Variants in CFAP44 observed in about 807,000 individuals in gnomAD.
CFAP44 encodes the protein cilia and flagella associated protein 44, also known as cilia- and flagella-associated protein 44.
In CFAP44, 134 loss-of-function variants were observed where a neutral mutation model predicts 216.2. That is an observed-to-expected ratio of 0.62 (90% CI 0.54 to 0.72). The LOEUF (loss-of-function observed/expected upper bound fraction) is 0.72. Ranked by LOEUF, CFAP44 falls within the 30% of genes least tolerant of loss-of-function variation. The pLI is 0.00. For synonymous variants in CFAP44, 700 were observed against 727.6 expected (o/e 0.96, Z 0.61); for missense variants, 2,035 against 2,182.1 (o/e 0.93, Z 1.34).
At chr3:113,334,224 A>G (rs1478312906) in intron 24 of CFAP44, among the ~76,000 whole-genome samples, 1 of 152,236 alleles carries the variant, frequency 6.6e-6, no homozygotes. Context: ...TGCTGGGATT[A>G]TAGGTGTGAG....
chr3:113,297,282 C>T (rs1319298973), intron 32 of CFAP44, among the ~76,000 whole-genome samples: 1 of 152,060 alleles, frequency 6.6e-6, no homozygotes, highest in Non-Finnish European at 1.5e-5. Flanking sequence ...TAATGACAAT[C>T]CCTTTGGGAA....
Position 113,294,802 on chromosome 3 carries a change from C to A in CFAP44, c.5258G>T (p.Arg1753Leu). The A allele has an allele frequency of 2.0e-6, 3 of 1,532,490 alleles. No individual in the cohort carries two copies. The highest frequency in any genetic ancestry group is 2.6e-6 in the Non-Finnish European group (3 of 1,145,334). 94.9% of individuals were successfully genotyped at this position (1,532,490 alleles called of 1,614,324 possible). Residue 1753 changes from arginine (R) to leucine (L), a missense_variant, in exon 34 of 35, where the codon CGA becomes CTA. By Grantham distance (102) the Arg-to-Leu change is moderately radical. Coordinates refer to ENST00000393845, the MANE Select transcript of CFAP44 (RefSeq NM_001164496.2). ...TTTTGTCTTCATCATCAGTTCCCAT[C>A]GCATTTGAGCAATCTTTTCCTACCA... ...KMWEEKIAQMRWELMMKTKEH... is the reference protein window; with the variant it reads ...KMWEEKIAQMLWELMMKTKEH...
At chr3:113,336,358 C>T (rs547587601) in intron 24 of CFAP44, among the ~76,000 whole-genome samples, 1 of 151,788 alleles carries the variant, frequency 6.6e-6, no homozygotes, top group East Asian at 1.9e-4. Flanking sequence ...TGAAAATTAA[C>T]AATATAAATA....
chr3:113,424,166 G>A (rs896220963), intron 4 of CFAP44, among the ~76,000 whole-genome samples: 20 of 152,114 alleles, frequency 1.3e-4, no homozygotes, highest in East Asian at 7.7e-4. Flanking sequence ...GGCTAGGCGC[G>A]GTGGCTCACA....
intron 7 of CFAP44, among the ~76,000 whole-genome samples, chr3:113,408,272 T>C (rs1439317052): frequency 6.6e-6 from 1 of 152,170 alleles, no homozygotes; most frequent in Non-Finnish European, 1.5e-5. Context: ...GACAAGATCA[T>C]TCCATCCCGG....
chr3:113,431,125 G>GCAAA (rs1935095600), intron 2 of CFAP44, among the ~76,000 whole-genome samples: 2 of 152,078 alleles, frequency 1.3e-5, no homozygotes, highest in Non-Finnish European at 2.9e-5. Flanking sequence ...AAGCCTGAGA[G>GCAAA]CAAAGCAAGG....
At chr3:113,329,228 A>C (rs1052552683) in intron 26 of CFAP44, among the ~76,000 whole-genome samples, 1 of 152,220 alleles carries the variant, frequency 6.6e-6, no homozygotes, top group East Asian at 1.9e-4. Context: ...GTGCAACTGG[A>C]GTTTAGAAAC....
At chr3:113,365,939 T>C in intron 19 of CFAP44, 100 bp downstream of exon 19, 1 of 1,296,438 alleles carries the variant, frequency 7.7e-7, no homozygotes, top group East Asian at 2.4e-5. Flanking sequence ...AAGGTGAATG[T>C]GTCTAAATAA....
intron 15 of CFAP44, among the ~76,000 whole-genome samples, chr3:113,390,363 A>G (rs539276851): frequency 6.6e-6 from 1 of 152,260 alleles, no homozygotes; most frequent in Admixed American, 6.5e-5. Flanking sequence ...AATAAAACCC[A>G]TATATGACAG....
At chr3:113,319,157 C>T (rs1950118081) in intron 28 of CFAP44, among the ~76,000 whole-genome samples, 1 of 152,028 alleles carries the variant, frequency 6.6e-6, no homozygotes, top group Non-Finnish European at 1.5e-5. Flanking sequence ...GATAAAAAGA[C>T]AAGAACCAAC....
rs982779314 is a variant in CFAP44, at chr3:113,290,000, C to G, written c.*1557G>C. On this transcript the variant is annotated 3_prime_UTR_variant, in exon 35 of 35. Transcript: ENST00000393845. ...CCCTGAGCCAGAACACCCGGCCAAG[C>G]TGTCCCCAGATTCCTGGACCTCAGA... The G allele has an allele frequency of 2.0e-5, 3 of 152,346 alleles. No homozygotes were observed. Among genetic ancestry groups the G allele is most frequent in the Admixed American group, 6.5e-5 (1 of 15,304 alleles). 9.4% of individuals were successfully genotyped at this position (152,346 alleles called of 1,614,324 possible). A position where few individuals can be genotyped will look rare whatever the true frequency, so the allele number is the denominator to read the frequency against.
chr3:113,327,934 A>G (rs1950202310), intron 26 of CFAP44, 115 bp from the exon 27 acceptor site: 1 of 899,388 alleles, frequency 1.1e-6, no homozygotes, highest in Admixed American at 2.8e-5. Flanking sequence ...TTATGGATGG[A>G]GAATTGTGTG....
intron 5 of CFAP44, among the ~76,000 whole-genome samples, chr3:113,418,057 A>AATTTATTT (rs71299331): frequency 0.11 from 16,022 of 148,842 alleles, 1,089 homozygotes; most frequent in African/African-American, 0.18. Flanking sequence ...ATTGAGACAC[A>AATTTATTT]ATTTATTTAT....
intron 8 of CFAP44, among the ~76,000 whole-genome samples, chr3:113,406,406 C>T (rs1048502640): frequency 2.6e-5 from 4 of 152,042 alleles, no homozygotes; most frequent in Non-Finnish European, 4.4e-5. Context: ...GGGCGGATCA[C>T]GAGGTCAGGA....
chr3:113,434,396 G>A (rs770686171), intron 1 of CFAP44: 2 of 152,150 alleles, frequency 1.3e-5, no homozygotes, highest in Non-Finnish European at 2.9e-5. Context: ...CTATTGGCCA[G>A]AGTGGGAGAG....
chr3:113,395,909 A>T, intron 14 of CFAP44, 49 bp from the exon 15 acceptor site: 1 of 1,395,058 alleles, frequency 7.2e-7, no homozygotes, highest in Non-Finnish European at 1.0e-6. Context: ...TATGAAATCT[A>T]GCCTATAGAT....
At chr3:113,388,129 A>ATT (rs1933700366) in intron 15 of CFAP44, among the ~76,000 whole-genome samples, 1 of 152,152 alleles carries the variant, frequency 6.6e-6, no homozygotes, top group African/African-American at 2.4e-5. Flanking sequence ...CCTGAAGGGA[A>ATT]TACAAGCCTG....
chr3:113,345,258 G>A (rs1366442142), intron 22 of CFAP44, among the ~76,000 whole-genome samples: 2 of 151,622 alleles, frequency 1.3e-5, no homozygotes, highest in African/African-American at 4.8e-5. Flanking sequence ...CTGTGTGTGA[G>A]TGAAGGTCTC....
At chr3:113,374,664 T>C (rs543848628) in intron 17 of CFAP44, among the ~76,000 whole-genome samples, 1 of 152,316 alleles carries the variant, frequency 6.6e-6, no homozygotes, top group Non-Finnish European at 1.5e-5. Flanking sequence ...AGATGGGGTC[T>C]TACTCTGTCA....
Sources: gnomAD v4.1 joint callset for allele counts (sites outside exome capture counted in the v4.1 genomes callset) on GRCh38, gnomAD v4.1.1 for gene constraint, MANE v1.5 for transcripts, NCBI Gene and HGNC (gene_info 2026-07-23, HGNC 2026-07-21) for gene names.